Variants in SLC39A12 observed in about 807,000 individuals in gnomAD.
The protein encoded by SLC39A12 is zinc transporter ZIP12.
SLC39A12 carries 63 observed loss-of-function variants against 71.1 expected under a neutral mutation model. The ratio of observed to expected loss-of-function variants is 0.89; its 90% CI spans 0.72 to 1.09. SLC39A12 has a LOEUF of 1.09. Ranked by LOEUF, SLC39A12 falls within the 50% of genes least tolerant of loss-of-function variation. The pLI, the probability that SLC39A12 is intolerant of heterozygous loss-of-function variation, is 0.00. For synonymous variants in SLC39A12, 351 were observed against 301.3 expected (o/e 1.16, Z -1.71); for missense variants, 892 against 812.6 (o/e 1.10, Z -1.19).
chr10:17,976,004 C>A (rs958061505), intron 4 of SLC39A12, among the ~76,000 whole-genome samples: 1 of 152,152 alleles, frequency 6.6e-6, no homozygotes, highest in African/African-American at 2.4e-5. Flanking sequence ...TGTCAGCACC[C>A]AGAGATGCTC....
intron 12 of SLC39A12, among the ~76,000 whole-genome samples, chr10:18,032,765 A>G (rs931410507): frequency 1.3e-5 from 2 of 151,962 alleles, no homozygotes; most frequent in Non-Finnish European, 2.9e-5. Flanking sequence ...TTGCCCATTC[A>G]ATATGATATT....
intron 1 of SLC39A12, among the ~76,000 whole-genome samples, chr10:17,952,958 C>T (rs576978136): frequency 3.3e-5 from 5 of 152,228 alleles, no homozygotes; most frequent in Admixed American, 2.6e-4. Flanking sequence ...ACTTACGTGA[C>T]GCTATGTTTA....
At chr10:17,968,591 CT>C (rs1834891843) in intron 4 of SLC39A12, among the ~76,000 whole-genome samples, 1 of 151,972 alleles carries the variant, frequency 6.6e-6, no homozygotes, top group Non-Finnish European at 1.5e-5. Context: ...TTTTTTAAAC[CT>C]TCAATCTGAA....
At chr10:17,962,548 G>T (rs974450359) in intron 3 of SLC39A12, among the ~76,000 whole-genome samples, 2 of 151,056 alleles carry the variant, frequency 1.3e-5, no homozygotes, top group African/African-American at 4.9e-5. Context: ...TTTAAGCCAC[G>T]GGTTTTTTTT....
chr10:18,030,359 T>G (rs1242173589), intron 12 of SLC39A12, among the ~76,000 whole-genome samples: 1 of 151,840 alleles, frequency 6.6e-6, no homozygotes, highest in Non-Finnish European at 1.5e-5. Flanking sequence ...TGCCTCAGCT[T>G]CCCGAGTAGC....
rs191737044 is a variant in SLC39A12, at chr10:17,955,909, T to A, written c.261+2372T>A. On this transcript the variant is annotated intron_variant, in intron 2 of 12. Coordinates refer to ENST00000377369, the MANE Select transcript of SLC39A12 (RefSeq NM_001145195.2). ...ATAACTCCAAAACAATACATTCTAC[T>A]TCAATAATTATGAGAACCATAACCC... is the stretch of plus-strand genomic sequence containing the variant. Among the ~76,000 whole-genome samples the A allele has an allele frequency of 4.0e-3, 608 of 152,296 alleles. 2 individuals are homozygous for A. The highest frequency in any genetic ancestry group is 0.01 in the Middle Eastern group (3 of 292).
intron 4 of SLC39A12, among the ~76,000 whole-genome samples, chr10:17,971,965 T>C (rs1834986069): frequency 6.6e-6 from 1 of 152,196 alleles, no homozygotes; most frequent in South Asian, 2.1e-4. Context: ...TGTAGGCACT[T>C]ATAGCTATAA....
chr10:17,993,311 C>A lies in SLC39A12; in HGVS notation c.1533+20C>A. On this transcript the variant is annotated intron_variant, in intron 9 of 12. Coordinates refer to ENST00000377369, the MANE Select transcript of SLC39A12 (RefSeq NM_001145195.2). ...CAGTTGGTAGGTTCCTGATCTGAAG[C>A]ATTCTACTGATCTGATTACCTTCTC... is the stretch of plus-strand genomic sequence containing the variant. 2.8e-6 allele frequency: 4 copies of A among 1,414,324 alleles called. No homozygotes were observed. Among genetic ancestry groups the A allele is most frequent in the Non-Finnish European group, 3.9e-6 (4 of 1,021,848 alleles). The allele number at this position is 1,414,324 out of a possible 1,614,324, so 87.6% of individuals were successfully genotyped here.
At chr10:18,030,268 CT>C (rs1181691438) in intron 12 of SLC39A12, among the ~76,000 whole-genome samples, 165 of 145,140 alleles carry the variant, frequency 1.1e-3, no homozygotes, top group Middle Eastern at 7.1e-3. Context: ...TCTTTTCTTT[CT>C]TTTTTTTTTT....
rs765180824 is a variant in SLC39A12, at chr10:18,003,338, T to C, written c.1927T>C (p.Tyr643His). Reference sequence around the variant, plus strand: ...CACAGTCACTGCTGGGATGTTCTTATATTTATCCTTGGTTGAAATGGTAAG... The same window carrying C: ...CACAGTCACTGCTGGGATGTTCTTACATTTATCCTTGGTTGAAATGGTAAG... ...IFTVTAGMFL[Y>H]LSLVEMLPEM... The change falls in exon 12 of 13, where the codon TAT (tyrosine) becomes CAT (histidine). Residue 643 changes from tyrosine to histidine, a missense_variant. Coordinates refer to ENST00000377369, the MANE Select transcript of SLC39A12 (RefSeq NM_001145195.2). 14 of 1,610,390 alleles carry C rather than the reference T, an allele frequency of 8.7e-6. No individual in the cohort carries two copies. The highest frequency in any genetic ancestry group is 1.1e-5 in the South Asian group (1 of 89,572).
chr10:18,031,187 G>A (rs1248532937), intron 12 of SLC39A12, among the ~76,000 whole-genome samples: 23 of 146,160 alleles, frequency 1.6e-4, no homozygotes, highest in South Asian at 2.2e-4. Flanking sequence ...TGGGTCAAAT[G>A]GTATTTCTAG....
intron 12 of SLC39A12, among the ~76,000 whole-genome samples, chr10:18,016,340 T>C (rs555878167): frequency 6.6e-6 from 1 of 152,332 alleles, no homozygotes; most frequent in South Asian, 2.1e-4. Flanking sequence ...ATAATACAAA[T>C]CTGAGTTTCC....
In SLC39A12 at chr10:17,973,524, G is replaced by A. The variant is rs1244869099; in HGVS notation, c.752-4378G>A. Among the ~76,000 whole-genome samples the A allele has an allele frequency of 3.3e-5, 5 of 152,224 alleles. No individual in the cohort carries two copies. In the East Asian group the frequency reaches 9.6e-4, roughly 29 times the overall value. ...CAGGATATACTATTCTAGGGTAACA[G>A]TTTTCTTCCTTTAGCACTTTAAATA... On this transcript the variant is annotated intron_variant, in intron 4 of 12. Transcript: ENST00000377369.
chr10:17,988,049 G>A (rs1000435934), intron 7 of SLC39A12, among the ~76,000 whole-genome samples: 2 of 152,006 alleles, frequency 1.3e-5, no homozygotes, highest in Non-Finnish European at 2.9e-5. Context: ...TACATGCACC[G>A]GTAGTCCCAG....
At chr10:17,965,111 G>A (rs891350099) in intron 3 of SLC39A12, among the ~76,000 whole-genome samples, 4 of 152,142 alleles carry the variant, frequency 2.6e-5, no homozygotes, top group African/African-American at 9.7e-5. Flanking sequence ...GGAGGCTGAG[G>A]CAGGAGAATC....
intron 4 of SLC39A12, among the ~76,000 whole-genome samples, chr10:17,967,651 A>G (rs1367525364): frequency 6.6e-6 from 1 of 151,994 alleles, no homozygotes; most frequent in Non-Finnish European, 1.5e-5. Flanking sequence ...TGGGAGGCCA[A>G]GGTGGGTGGA....
chr10:18,030,597 TTTTTA>T (rs1343345930), intron 12 of SLC39A12, among the ~76,000 whole-genome samples: 1 of 147,292 alleles, frequency 6.8e-6, no homozygotes, highest in African/African-American at 2.5e-5. Context: ...CTGTGATATA[TTTTTA>T]TTTTATTTTA....
Position 17,953,281 on chromosome 10 carries a change from G to A in SLC39A12, c.5G>A (p.Cys2Tyr). Residue 2 changes from cysteine (C) to tyrosine (Y), a missense_variant, in exon 2 of 13, where the codon TGC (cysteine) becomes TAC (tyrosine). Cys to Tyr is a radical substitution (Grantham distance 194). Coordinates refer to ENST00000377369, the MANE Select transcript of SLC39A12 (RefSeq NM_001145195.2). ...CAAGGTGGAGGAAGCGTGGAAATGT[G>A]CTTCCGGACAAAGCTCTCAGTATCC... M[C>Y]FRTKLSVSWV... The A allele has an allele frequency of 6.2e-7, 1 of 1,613,874 alleles. No homozygotes were observed. The highest frequency in any genetic ancestry group is 8.5e-7 in the Non-Finnish European group (1 of 1,179,860).
rs1024177055 is a variant in SLC39A12 at position 17,987,500 on chromosome 10, C to T, written c.1118C>T (p.Ala373Val). The T allele has an allele frequency of 6.2e-7, 1 of 1,613,942 alleles. No individual in the cohort carries two copies. Among genetic ancestry groups the T allele is most frequent in the Non-Finnish European group, 8.5e-7 (1 of 1,179,972 alleles). The change falls in exon 7 of 13, where the codon GCT (alanine) becomes GTT (valine). Residue 373 changes from alanine (A) to valine (V), a missense_variant. Physicochemically the swap from Ala to Val is moderately conservative, Grantham distance 64. Coordinates refer to ENST00000377369, the MANE Select transcript of SLC39A12 (RefSeq NM_001145195.2). ...TTAGAATACGGCTACAGCACGGTGG[C>T]TGTCACCCTTCTCACACTGGGCTCC... ...TLEKYGYSTV[A>V]VTLLTLGSML...
Sources: gnomAD v4.1 joint callset for allele counts (sites outside exome capture counted in the v4.1 genomes callset) on GRCh38, gnomAD v4.1.1 for gene constraint, MANE v1.5 for transcripts, NCBI Gene and HGNC (gene_info 2026-07-23, HGNC 2026-07-21) for gene names.